The following KCNIP4 variants were observed in gnomAD, a reference collection of about 807,000 sequenced individuals.
KCNIP4 encodes the protein potassium voltage-gated channel interacting protein 4.
Under a neutral mutation model 34.0 loss-of-function variants are expected in KCNIP4, and 12 were observed. The ratio of observed to expected loss-of-function variants is 0.35; its 90% confidence interval spans 0.23 to 0.57. The LOEUF is 0.57. Ranked by LOEUF, KCNIP4 falls within the 20% of genes least tolerant of loss-of-function variation. The pLI is 0.83. For synonymous variants in KCNIP4, 124 were observed against 102.2 expected, an observed-to-expected ratio of 1.21 and a Z score of -1.29; for missense variants, 238 against 311.7, an observed-to-expected ratio of 0.76 and a Z score of 1.78.
intron 1 of KCNIP4, among the ~76,000 whole-genome samples, chr4:21,528,722 A>G (rs539521482): frequency 8.7e-4 from 1 of 1,150 alleles, no homozygotes; most frequent in Non-Finnish European, 1.6e-3. Context: ...AAAGAAAGAA[A>G]GAAAGAAAGA....
At chr4:20,871,747 C>T (rs1025056606) in intron 2 of KCNIP4, among the ~76,000 whole-genome samples, 2 of 152,128 alleles carry the variant, frequency 1.3e-5, no homozygotes, top group Admixed American at 1.3e-4. Flanking sequence ...TAAACAGTGT[C>T]TCTCTTTGAG....
intron 1 of KCNIP4, among the ~76,000 whole-genome samples, chr4:21,166,967 A>T (rs1577815725): frequency 6.8e-6 from 1 of 148,026 alleles, no homozygotes; most frequent in East Asian, 2.0e-4. Flanking sequence ...AAAAAAAAGA[A>T]GTGAGTGGAT....
At chr4:21,091,797 C>T (rs192824792) in intron 1 of KCNIP4, among the ~76,000 whole-genome samples, 51 of 152,182 alleles carry the variant, frequency 3.4e-4, no homozygotes, top group Admixed American at 1.1e-3. Flanking sequence ...ATAAAGACAC[C>T]AATCCATTCA....
chr4:20,986,674 A>G (rs534691705), intron 1 of KCNIP4, among the ~76,000 whole-genome samples: 27 of 152,330 alleles, frequency 1.8e-4, no homozygotes, highest in Non-Finnish European at 1.0e-4. Context: ...TATTTCTATC[A>G]GCAGATTTCA....
At chr4:21,738,020 A>C (rs1447685723) in intron 1 of KCNIP4, among the ~76,000 whole-genome samples, 1 of 151,988 alleles carries the variant, frequency 6.6e-6, no homozygotes, top group African/African-American at 2.4e-5. Flanking sequence ...GGAACCTGGG[A>C]GGTGGAGCTT....
At chr4:21,083,483 A>G (rs1746177481) in intron 1 of KCNIP4, among the ~76,000 whole-genome samples, 1 of 151,830 alleles carries the variant, frequency 6.6e-6, no homozygotes, top group Admixed American at 6.6e-5. Context: ...AGGTGAAGTC[A>G]CATGTATCCC....
Position 20,862,761 on chromosome 4 carries a change from A to G in KCNIP4, c.164-12094T>C, listed in dbSNP as rs529922892. Among the ~76,000 whole-genome samples the G allele has an allele frequency of 6.6e-5, 10 of 152,316 alleles. No individual in the cohort carries two copies. In the South Asian group the frequency reaches 2.1e-3, roughly 32 times the overall value. On this transcript the variant is annotated intron_variant, in intron 2 of 8. Transcript: ENST00000382152. ...AGACTGGATAAAGAAAACATGGTAC[A>G]TATACACCACGGAATACTATGCAGC...
intron 1 of KCNIP4, among the ~76,000 whole-genome samples, chr4:20,898,035 A>C (rs750048251): frequency 5.9e-5 from 9 of 152,126 alleles, no homozygotes; most frequent in Non-Finnish European, 7.4e-5. Flanking sequence ...GTGTGGGTGG[A>C]CATCATCTAG....
chr4:21,314,440 G>T (rs1402377165), intron 1 of KCNIP4, among the ~76,000 whole-genome samples: 1 of 152,194 alleles, frequency 6.6e-6, no homozygotes, highest in Non-Finnish European at 1.5e-5. Context: ...GTACATCAGG[G>T]TCATTTTAGG....
At chr4:20,997,244 G>C (rs1737640317) in intron 1 of KCNIP4, among the ~76,000 whole-genome samples, 1 of 152,202 alleles carries the variant, frequency 6.6e-6, no homozygotes, top group Non-Finnish European at 1.5e-5. Context: ...GGAAACAAGA[G>C]ACAGGAAAAC....
At chr4:21,259,698 G>A (rs750950159) in intron 1 of KCNIP4, among the ~76,000 whole-genome samples, 7 of 152,134 alleles carry the variant, frequency 4.6e-5, no homozygotes, top group Admixed American at 1.3e-4. Context: ...AGGTGGGGAC[G>A]AGAGACATGT....
intron 1 of KCNIP4, among the ~76,000 whole-genome samples, chr4:21,581,485 C>T (rs1239591064): frequency 6.6e-6 from 1 of 151,900 alleles, no homozygotes; most frequent in African/African-American, 2.4e-5. Flanking sequence ...TCATGCAAAT[C>T]TGGGTTTTAA....
intron 1 of KCNIP4, among the ~76,000 whole-genome samples, chr4:21,017,626 A>G (rs1312215802): frequency 6.6e-6 from 1 of 152,150 alleles, no homozygotes; most frequent in Non-Finnish European, 1.5e-5. Flanking sequence ...TGTCTTTGCT[A>G]TCGTCAATAG....
intron 1 of KCNIP4, among the ~76,000 whole-genome samples, chr4:21,823,611 T>A (rs1722502960): frequency 6.6e-6 from 1 of 151,710 alleles, no homozygotes; most frequent in African/African-American, 2.4e-5. Context: ...CCAAATACAC[T>A]AAATCAGAAT....
intron 1 of KCNIP4, among the ~76,000 whole-genome samples, chr4:21,640,203 A>G (rs1248514223): frequency 6.6e-6 from 1 of 152,152 alleles, no homozygotes; most frequent in Non-Finnish European, 1.5e-5. Context: ...TCTGCTTTCC[A>G]TCATGGTAAC....
intron 1 of KCNIP4, among the ~76,000 whole-genome samples, chr4:21,136,062 T>C (rs919951928): frequency 1.3e-5 from 2 of 152,338 alleles, no homozygotes. Context: ...TATGTAGATA[T>C]CTGGAGAAAG....
At chr4:20,819,272 A>G (rs1716811599) in intron 3 of KCNIP4, among the ~76,000 whole-genome samples, 1 of 152,208 alleles carries the variant, frequency 6.6e-6, no homozygotes, top group Non-Finnish European at 1.5e-5. Flanking sequence ...TAACAGAACT[A>G]GCACACAAAC....
At chr4:21,303,498 G>C (rs1015412840) in intron 1 of KCNIP4, among the ~76,000 whole-genome samples, 1 of 152,132 alleles carries the variant, frequency 6.6e-6, no homozygotes, top group Non-Finnish European at 1.5e-5. Flanking sequence ...TCAAGCATCA[G>C]TATGGACTAA....
At position 20,730,047 on chromosome 4, in the gene KCNIP4, C is replaced by T. The variant is rs201103982; in HGVS notation, c.*35G>A. ...ACTTTAAGGGTGGTAGAATAGTTCA[C>T]ATTTGTCTGTTGGATTCAGGATCTA... On this transcript the variant is annotated 3_prime_UTR_variant, in exon 9 of 9. Transcript: ENST00000382152. 116 of 1,595,872 alleles carry T rather than the reference C, an allele frequency of 7.3e-5. No individual in the cohort carries two copies. Among genetic ancestry groups the T allele is most frequent in the Admixed American group, 7.1e-5 (4 of 56,246 alleles).
Sources: gnomAD v4.1 joint callset for allele counts (sites outside exome capture counted in the v4.1 genomes callset) on GRCh38, gnomAD v4.1.1 for gene constraint, MANE v1.5 for transcripts, NCBI Gene and HGNC (gene_info 2026-07-23, HGNC 2026-07-21) for gene names.